CACUL1: variants seen among roughly 807,000 people sequenced by gnomAD.
The protein encoded by CACUL1 is CDK2 associated cullin domain 1.
In CACUL1, 13 loss-of-function variants were observed where a neutral mutation model predicts 45.2. That is an observed-to-expected ratio of 0.29 (90% CI 0.19 to 0.46). The LOEUF is 0.46. Among genes scored for constraint, CACUL1 ranks in the 20% least tolerant of loss-of-function variants. The pLI, the probability that CACUL1 is intolerant of heterozygous loss-of-function variation, is 1.00. For missense variants in CACUL1, 421 were observed against 471.4 expected (o/e 0.89, Z 0.99); for synonymous variants, 197 against 174.2 (o/e 1.13, Z -1.03).
chr10:118,728,148 G>GA (rs1052080836), intron 3 of CACUL1, among the ~76,000 whole-genome samples: 50 of 151,578 alleles, frequency 3.3e-4, no homozygotes, highest in African/African-American at 8.7e-4. Context: ...ACTGTTTGGG[G>GA]AAAAAAAACA....
At chr10:118,741,543 G>A (rs146028928) in intron 1 of CACUL1, among the ~76,000 whole-genome samples, 188 of 152,026 alleles carry the variant, frequency 1.2e-3, no homozygotes, top group Middle Eastern at 3.4e-3. Flanking sequence ...ACAGCTACCC[G>A]TCATCCAAAC....
chr10:118,747,941 T>C (rs940624954), intron 1 of CACUL1, among the ~76,000 whole-genome samples: 1 of 151,930 alleles, frequency 6.6e-6, no homozygotes, highest in African/African-American at 2.4e-5. Flanking sequence ...AAAAATTAGC[T>C]AGGTGTGGTG....
chr10:118,716,295 C>T (rs1482557890), intron 3 of CACUL1, among the ~76,000 whole-genome samples: 1 of 136,546 alleles, frequency 7.3e-6, no homozygotes, highest in Non-Finnish European at 1.6e-5. Context: ...AAAATTATTA[C>T]CATTTTGGTA....
chr10:118,752,313 TTATC>T lies in CACUL1; in HGVS notation c.367+2079_367+2082del, dbSNP rs1240963612. Among the ~76,000 whole-genome samples, 12 of 152,328 alleles carry T rather than the reference TTATC, an allele frequency of 7.9e-5. No homozygotes were observed. The South Asian group carries it at 2.5e-3, about 32-fold the overall frequency. On this transcript the variant is annotated intron_variant, in intron 1 of 8. Coordinates refer to ENST00000369151, the MANE Select transcript of CACUL1 (RefSeq NM_153810.5). ...TACTGAAGGTTTTTGGTAATGACCT[TTATC>T]TAGTTATCTTGTACTCCTAGGTTAC...
chr10:118,686,776 T>G, intron 7 of CACUL1, 135 bp from the exon 8 acceptor site: 1 of 670,478 alleles, frequency 1.5e-6, no homozygotes, highest in Non-Finnish European at 2.7e-6. Context: ...ATATTAAACA[T>G]CTTAGAATCC....
intron 8 of CACUL1, among the ~76,000 whole-genome samples, 197 bp downstream of exon 8, chr10:118,686,401 T>C (rs1481433968): frequency 6.6e-6 from 1 of 152,184 alleles, no homozygotes; most frequent in Admixed American, 6.5e-5. Context: ...CCTGGTGGCC[T>C]CTTTCCAATG....
chr10:118,732,151 A>G (rs1391471431), intron 1 of CACUL1, among the ~76,000 whole-genome samples: 1 of 152,234 alleles, frequency 6.6e-6, no homozygotes, highest in Non-Finnish European at 1.5e-5. Context: ...TCATTCCAGC[A>G]GCTGTGCTGA....
chr10:118,702,701 C>A (rs1220313613), intron 4 of CACUL1, among the ~76,000 whole-genome samples: 2 of 151,864 alleles, frequency 1.3e-5, no homozygotes, highest in African/African-American at 4.8e-5. Context: ...CCTGTCTCAG[C>A]CTCCCGAGTA....
chr10:118,696,187 C>T lies in CACUL1; in HGVS notation c.797-957G>A, dbSNP rs138124341. 3.1e-3 allele frequency among the ~76,000 whole-genome samples: 473 copies of T among 152,276 alleles called. 2 individuals carry two copies. Among genetic ancestry groups the T allele is most frequent in the African/African-American group, 9.9e-3 (412 of 41,542 alleles). ...TTCAAGTCTATCCTTCCAATTTTATCATCAGTAGATAGTTACAATTTTGAA... is the reference window on the plus strand; with the variant it reads ...TTCAAGTCTATCCTTCCAATTTTATTATCAGTAGATAGTTACAATTTTGAA... On this transcript the variant is annotated intron_variant, in intron 5 of 8. Coordinates refer to ENST00000369151, the MANE Select transcript of CACUL1 (RefSeq NM_153810.5).
intron 1 of CACUL1, among the ~76,000 whole-genome samples, chr10:118,735,678 A>G (rs2119654533): frequency 6.6e-6 from 1 of 152,332 alleles, no homozygotes; most frequent in South Asian, 2.1e-4. Flanking sequence ...AAAGGTGTGA[A>G]TATATCAAAC....
chr10:118,738,224 T>C (rs10510048), intron 1 of CACUL1, among the ~76,000 whole-genome samples: 42,710 of 151,970 alleles, frequency 0.28, 6,194 homozygotes, highest in East Asian at 0.39. Flanking sequence ...GGGTGGAAGA[T>C]GCAATAGAAA....
At chr10:118,728,182 C>G (rs1039869375) in intron 3 of CACUL1, among the ~76,000 whole-genome samples, 2 of 152,154 alleles carry the variant, frequency 1.3e-5, no homozygotes, top group African/African-American at 4.8e-5. Flanking sequence ...CTATCTCAGA[C>G]CACAAGTTGT....
At chr10:118,752,264 A>G (rs1039610327) in intron 1 of CACUL1, among the ~76,000 whole-genome samples, 9 of 152,122 alleles carry the variant, frequency 5.9e-5, no homozygotes, top group Non-Finnish European at 1.0e-4. Context: ...TGTATCTAAA[A>G]TTTCTCCATT....
chr10:118,736,602 C>T (rs753651574), intron 1 of CACUL1, among the ~76,000 whole-genome samples: 1 of 152,006 alleles, frequency 6.6e-6, no homozygotes, highest in Admixed American at 6.6e-5. Context: ...CTTGGCCTCC[C>T]GAAGTGCTGG....
At chr10:118,722,659 A>T (rs969681157) in intron 3 of CACUL1, among the ~76,000 whole-genome samples, 1 of 152,240 alleles carries the variant, frequency 6.6e-6, no homozygotes, top group Non-Finnish European at 1.5e-5. Flanking sequence ...GGCAATTCAG[A>T]TATGCCAAAG....
At chr10:118,745,695 G>T (rs1845836942) in intron 1 of CACUL1, among the ~76,000 whole-genome samples, 1 of 152,108 alleles carries the variant, frequency 6.6e-6, no homozygotes, top group South Asian at 2.1e-4. Context: ...GGTAGCAGAG[G>T]TTGTCAGACT....
intron 2 of CACUL1, 46 bp downstream of exon 2, chr10:118,730,238 C>T: frequency 1.3e-6 from 2 of 1,599,196 alleles, no homozygotes; most frequent in Non-Finnish European, 8.6e-7. Context: ...GTGCCTTGAA[C>T]CTTAGTATAC....
At chr10:118,703,035 T>TCCC (rs1845398855) in intron 4 of CACUL1, among the ~76,000 whole-genome samples, 1 of 152,266 alleles carries the variant, frequency 6.6e-6, no homozygotes, top group Admixed American at 6.5e-5. Context: ...ACACCTGGCC[T>TCCC]CCCACTTCAG....
At chr10:118,723,786 C>G (rs1297989737) in intron 3 of CACUL1, among the ~76,000 whole-genome samples, 3 of 150,876 alleles carry the variant, frequency 2.0e-5, no homozygotes, top group East Asian at 3.9e-4. Context: ...ATTTTTTTTT[C>G]TTTTTGGGAG....
Sources: gnomAD v4.1 joint callset for allele counts (sites outside exome capture counted in the v4.1 genomes callset) on GRCh38, gnomAD v4.1.1 for gene constraint, MANE v1.5 for transcripts, NCBI Gene and HGNC (gene_info 2026-07-23, HGNC 2026-07-21) for gene names.